PLXNA2: variants seen among roughly 807,000 people sequenced by gnomAD.
PLXNA2 encodes plexin A2.
Under a neutral mutation model 193.5 loss-of-function variants are expected in PLXNA2, and 91 were observed. The observed-to-expected ratio is 0.47, with a 90% CI of 0.40 to 0.56. The LOEUF (loss-of-function observed/expected upper bound fraction) is 0.56, where lower values mean the gene tolerates loss of function less well. Ranked by LOEUF, PLXNA2 falls within the 20% of genes least tolerant of loss-of-function variation. The pLI, the probability that PLXNA2 is intolerant of heterozygous loss-of-function variation, is 0.00. For missense variants in PLXNA2, 1,995 were observed against 2,503.2 expected (o/e 0.80, Z 4.33); for synonymous variants, 997 against 1,027.3 (o/e 0.97, Z 0.56).
Position 208,025,408 on chromosome 1 carries a change from C to T in PLXNA2, c.*1835G>A, listed in dbSNP as rs1454543789. 6.6e-6 allele frequency: 1 copy of T among 152,206 alleles called. No individual in the cohort carries two copies. The highest frequency in any genetic ancestry group is 2.4e-5 in the African/African-American group (1 of 41,424). 9.4% of individuals were successfully genotyped at this position (152,206 alleles called of 1,614,324 possible). A position where few individuals can be genotyped will look rare whatever the true frequency, so the allele number is the denominator to read the frequency against. ...CCAGAGTTAATAACAGAGAAAATGACCCTGGTCTAGTCTCTCTTGGAGGAG... is the reference window on the plus strand; with the variant it reads ...CCAGAGTTAATAACAGAGAAAATGATCCTGGTCTAGTCTCTCTTGGAGGAG... On this transcript the variant is annotated 3_prime_UTR_variant, in exon 32 of 32. Transcript: ENST00000367033.
chr1:208,220,310 A>G (rs1046827602), intron 1 of PLXNA2, among the ~76,000 whole-genome samples: 1 of 151,858 alleles, frequency 6.6e-6, no homozygotes, highest in Non-Finnish European at 1.5e-5. Context: ...CCTTTCTGGT[A>G]GAATGGGAAT....
At chr1:208,242,463 G>A (rs1672090023) in intron 1 of PLXNA2, among the ~76,000 whole-genome samples, 1 of 152,214 alleles carries the variant, frequency 6.6e-6, no homozygotes, top group African/African-American at 2.4e-5. Flanking sequence ...CCAAGTGACT[G>A]CCTCAAGCTA....
At chr1:208,195,565 G>A (rs79501616) in intron 3 of PLXNA2, among the ~76,000 whole-genome samples, 2,329 of 149,852 alleles carry the variant, frequency 0.016, 72 homozygotes, top group East Asian at 0.13. Context: ...CCTACAAATA[G>A]CTCCCCAAAG....
intron 3 of PLXNA2, among the ~76,000 whole-genome samples, chr1:208,155,182 C>G (rs1668900934): frequency 6.6e-6 from 1 of 152,192 alleles, no homozygotes; most frequent in South Asian, 2.1e-4. Context: ...AAGGCAGCCT[C>G]TCTCAGAGCA....
At chr1:208,201,829 C>T (rs1315562358) in intron 3 of PLXNA2, among the ~76,000 whole-genome samples, 1 of 152,168 alleles carries the variant, frequency 6.6e-6, no homozygotes, top group African/African-American at 2.4e-5. Flanking sequence ...TGCCCAAGCT[C>T]TGCACTCCAT....
intron 3 of PLXNA2, among the ~76,000 whole-genome samples, chr1:208,153,775 C>T (rs886177664): frequency 1.2e-4 from 18 of 152,190 alleles, no homozygotes; most frequent in Admixed American, 1.1e-3. Context: ...TTGCAGTCCC[C>T]GGCAGCCAGC....
At chr1:208,095,731 T>C (rs772501067) in intron 8 of PLXNA2, among the ~76,000 whole-genome samples, 1 of 152,176 alleles carries the variant, frequency 6.6e-6, no homozygotes, top group African/African-American at 2.4e-5. Flanking sequence ...AATGAAGAAC[T>C]TTTTTTACGG....
chr1:208,117,794 A>T (rs1209484133), intron 4 of PLXNA2, among the ~76,000 whole-genome samples: 2 of 152,208 alleles, frequency 1.3e-5, no homozygotes, highest in African/African-American at 4.8e-5. Flanking sequence ...AGCAAATGAG[A>T]AAGAGAGAGA....
intron 3 of PLXNA2, among the ~76,000 whole-genome samples, chr1:208,204,250 G>T (rs1670643848): frequency 6.6e-6 from 1 of 152,182 alleles, no homozygotes; most frequent in Non-Finnish European, 1.5e-5. Context: ...TACAGAGACT[G>T]GTGGGGGAAG....
chr1:208,106,240 C>T (rs1048491935), intron 4 of PLXNA2, among the ~76,000 whole-genome samples: 1 of 152,128 alleles, frequency 6.6e-6, no homozygotes. Context: ...GGTGGAGACC[C>T]TCAAAGTCAG....
chr1:208,098,774 G>A (rs929588972), intron 6 of PLXNA2, 72 bp downstream of exon 6: 109 of 1,529,302 alleles, frequency 7.1e-5, no homozygotes, highest in East Asian at 3.9e-4. Context: ...TTGTGCAAGC[G>A]TGAATGGAGC....
chr1:208,137,947 G>A (rs1668351743), intron 4 of PLXNA2, among the ~76,000 whole-genome samples: 2 of 152,144 alleles, frequency 1.3e-5, no homozygotes, highest in Non-Finnish European at 2.9e-5. Context: ...GTCATGTTTG[G>A]AGGATGGGTG....
At chr1:208,169,820 C>T (rs187139219) in intron 3 of PLXNA2, among the ~76,000 whole-genome samples, 1 of 151,440 alleles carries the variant, frequency 6.6e-6, no homozygotes, top group Admixed American at 6.6e-5. Context: ...CTTCTACAGT[C>T]TTGAGTTTAT....
chr1:208,218,426 C>G (rs1212584026), intron 1 of PLXNA2, among the ~76,000 whole-genome samples: 1 of 152,168 alleles, frequency 6.6e-6, no homozygotes, highest in Non-Finnish European at 1.5e-5. Flanking sequence ...GCTTGTTAGG[C>G]AGGCCCTCCC....
At chr1:208,158,200 G>A (rs377070290) in intron 3 of PLXNA2, among the ~76,000 whole-genome samples, 4 of 152,264 alleles carry the variant, frequency 2.6e-5, no homozygotes, top group Admixed American at 2.0e-4. Context: ...GAGAGAAATG[G>A]TGGTCTCTAA....
At chr1:208,135,976 T>C (rs931568079) in intron 4 of PLXNA2, among the ~76,000 whole-genome samples, 1 of 151,932 alleles carries the variant, frequency 6.6e-6, no homozygotes, top group Non-Finnish European at 1.5e-5. Context: ...AGTCCTCAGC[T>C]GCCACAAGCA....
chr1:208,051,123 G>A (rs190463140), intron 16 of PLXNA2, 21 bp from the exon 17 acceptor site: 780 of 1,607,722 alleles, frequency 4.9e-4, no homozygotes, highest in Admixed American at 6.7e-4. Context: ...GCAGAGGCTC[G>A]GTTAGGTAAA....
intron 12 of PLXNA2, among the ~76,000 whole-genome samples, chr1:208,077,367 A>G (rs1666193126): frequency 6.6e-6 from 1 of 152,194 alleles, no homozygotes. Context: ...CTGTGAACAG[A>G]GCAGCCCGTC....
At chr1:208,199,831 C>T in intron 3 of PLXNA2, among the ~76,000 whole-genome samples, 1 of 152,224 alleles carries the variant, frequency 6.6e-6, no homozygotes, top group East Asian at 1.9e-4. Context: ...CCTTTCTAGG[C>T]CTCAGCTAAC....
Sources: gnomAD v4.1 joint callset for allele counts (sites outside exome capture counted in the v4.1 genomes callset) on GRCh38, gnomAD v4.1.1 for gene constraint, MANE v1.5 for transcripts, NCBI Gene and HGNC (gene_info 2026-07-23, HGNC 2026-07-21) for gene names.